OSMR: variants seen among roughly 807,000 people sequenced by gnomAD.
OSMR encodes oncostatin M receptor, also known as oncostatin-M-specific receptor subunit beta.
Under a neutral mutation model 99.9 loss-of-function variants are expected in OSMR, and 81 were observed. The observed-to-expected ratio is 0.81, with a 90% CI of 0.68 to 0.97. The LOEUF is 0.97. Among genes scored for constraint, OSMR ranks in the 50% least tolerant of loss-of-function variants. OSMR has a pLI of 0.00. For missense variants in OSMR, 1,099 were observed against 1,153.4 expected, an observed-to-expected ratio of 0.95 and a Z score of 0.68; for synonymous variants, 406 against 410.4, an observed-to-expected ratio of 0.99 and a Z score of 0.13.
At chr5:38,917,891 G>T (rs953106366) in intron 10 of OSMR, among the ~76,000 whole-genome samples, 1 of 152,124 alleles carries the variant, frequency 6.6e-6, no homozygotes, top group Non-Finnish European at 1.5e-5. Context: ...CCAGGGCAAA[G>T]ATGTAAGTAA....
chr5:38,945,376 G>A (rs917689764), downstream of OSMR: 34 of 699,458 alleles, frequency 4.9e-5, no homozygotes, highest in Non-Finnish European at 7.8e-5. Flanking sequence ...TCAGTGTGCT[G>A]CAGCTCACCA....
intron 15 of OSMR, among the ~76,000 whole-genome samples, chr5:38,930,860 TTAA>T (rs1462518002): frequency 2.0e-5 from 3 of 151,920 alleles, no homozygotes; most frequent in East Asian, 1.9e-4. Flanking sequence ...ACTACAAAGA[TTAA>T]TAATAAGGGT....
intron 11 of OSMR, 36 bp from the exon 12 acceptor site, chr5:38,921,579 T>G (rs1488430784): frequency 6.2e-7 from 1 of 1,613,646 alleles, no homozygotes; most frequent in Non-Finnish European, 8.5e-7. Flanking sequence ...TACAGTTAAT[T>G]AAATCTGGAG....
rs2112708517 is a variant in OSMR, at chr5:38,932,872, G to T, written c.2368G>T (p.Glu790Ter). The part of the protein sequence containing the change: ...SSILSLIKFK[E>*]NPHLIIMNVS... ...TTACATATTTTTGTTTCCTTTCTAG[G>T]AGAACCCTCACCTAATAATAATGAA... is the stretch of plus-strand genomic sequence containing the variant. Residue 790 changes from glutamate (E) to a stop codon, truncating the protein, a stop_gained and splice_region_variant, in exon 18 of 18, where the codon GAG becomes TAG. Transcript: ENST00000274276. LOFTEE classifies it low-confidence loss of function (END_TRUNC). 6.2e-7 allele frequency: 1 copy of T among 1,613,772 alleles called. No homozygotes were observed. Among genetic ancestry groups the T allele is most frequent in the Non-Finnish European group, 8.5e-7 (1 of 1,179,892 alleles).
intron 11 of OSMR, among the ~76,000 whole-genome samples, chr5:38,919,851 ATGT>A (rs1412390247): frequency 6.6e-6 from 1 of 152,068 alleles, no homozygotes; most frequent in Non-Finnish European, 1.5e-5. Flanking sequence ...GGATTAGAGG[ATGT>A]TGTTGTTTTG....
At chr5:38,901,120 A>G (rs1421935940) in intron 7 of OSMR, among the ~76,000 whole-genome samples, 1 of 152,202 alleles carries the variant, frequency 6.6e-6, no homozygotes, top group Admixed American at 6.5e-5. Flanking sequence ...TTGCCACTGT[A>G]TGTAGTTTAG....
intron 1 of OSMR, among the ~76,000 whole-genome samples, chr5:38,852,395 AG>A (rs1740445963): frequency 6.6e-6 from 1 of 152,212 alleles, no homozygotes; most frequent in African/African-American, 2.4e-5. Flanking sequence ...GACCTCTGTA[AG>A]GTTGTATGCT....
At chr5:38,924,934 C>T (rs1746404227) in intron 14 of OSMR, 1 of 192,196 alleles carries the variant, frequency 5.2e-6, no homozygotes, top group Non-Finnish European at 9.5e-6. Flanking sequence ...CCCTTGCAAG[C>T]TCTTACTGTT....
At chr5:38,877,374 G>T (rs748270527) in intron 3 of OSMR, among the ~76,000 whole-genome samples, 9 of 152,076 alleles carry the variant, frequency 5.9e-5, no homozygotes, top group Non-Finnish European at 1.0e-4. Flanking sequence ...TGAGATCTGC[G>T]CAAGTTAAAT....
chr5:38,854,825 G>A (rs561974070), intron 1 of OSMR, among the ~76,000 whole-genome samples: 1 of 152,320 alleles, frequency 6.6e-6, no homozygotes, highest in East Asian at 1.9e-4. Context: ...ATGAAGAACA[G>A]ATTTGGGGAA....
At chr5:38,904,055 A>G in intron 8 of OSMR, 31 bp downstream of exon 8, 2 of 1,611,802 alleles carry the variant, frequency 1.2e-6, no homozygotes, top group South Asian at 1.1e-5. Flanking sequence ...TCTATTTTCA[A>G]AAATTCTTTT....
At chr5:38,870,228 A>G (rs946521155) in intron 2 of OSMR, among the ~76,000 whole-genome samples, 1 of 151,942 alleles carries the variant, frequency 6.6e-6, no homozygotes, top group African/African-American at 2.4e-5. Context: ...AGGATTTCTC[A>G]TTTGTAGTAT....
chr5:38,940,144 A>AAAAAAAAAAAC (rs1561426241), downstream of OSMR: 16 of 140,808 alleles, frequency 1.1e-4, no homozygotes, highest in African/African-American at 2.6e-4. Context: ...AAAAAAAAAC[A>AAAAAAAAAAAC]AAAAAAAAAA....
chr5:38,854,215 G>A (rs1740676577), intron 1 of OSMR, among the ~76,000 whole-genome samples: 1 of 152,058 alleles, frequency 6.6e-6, no homozygotes, highest in South Asian at 2.1e-4. Context: ...ACATCATCAG[G>A]TCACCCAGCC....
chr5:38,895,224 A>G (rs1269153449), intron 7 of OSMR, among the ~76,000 whole-genome samples: 1 of 152,114 alleles, frequency 6.6e-6, no homozygotes, highest in Non-Finnish European at 1.5e-5. Flanking sequence ...CCAAAGCTAG[A>G]AAAGAAAATA....
intron 15 of OSMR, among the ~76,000 whole-genome samples, chr5:38,931,487 TACGTTACAATTACCAACAGCCCATTGGCC>T (rs1398045330): frequency 6.6e-6 from 1 of 152,160 alleles, no homozygotes; most frequent in Non-Finnish European, 1.5e-5. Context: ...TTAAAGCACT[TACGTTACAATTACCAACAGCCCATTGGCC>T]AAGCCAATGC....
At chr5:38,898,684 C>G (rs1014716907) in intron 7 of OSMR, among the ~76,000 whole-genome samples, 1 of 151,770 alleles carries the variant, frequency 6.6e-6, no homozygotes, top group African/African-American at 2.4e-5. Context: ...TTCTTCTTTC[C>G]TTTCTTCAAG....
At chr5:38,888,596 T>TATCC (rs1364731747) in intron 7 of OSMR, among the ~76,000 whole-genome samples, 2 of 152,206 alleles carry the variant, frequency 1.3e-5, no homozygotes, top group Non-Finnish European at 2.9e-5. Context: ...TGTTAGCATA[T>TATCC]ATCCTTCCCT....
chr5:38,846,780 G>A (rs1476268582), intron 1 of OSMR, among the ~76,000 whole-genome samples: 2 of 152,178 alleles, frequency 1.3e-5, no homozygotes, highest in African/African-American at 4.8e-5. Flanking sequence ...AGTGGAAGTG[G>A]CCCTCTACAT....
Sources: gnomAD v4.1 joint callset for allele counts (sites outside exome capture counted in the v4.1 genomes callset) on GRCh38, gnomAD v4.1.1 for gene constraint, MANE v1.5 for transcripts, NCBI Gene and HGNC (gene_info 2026-07-23, HGNC 2026-07-21) for gene names.